SRPK2: variants seen among roughly 807,000 people sequenced by gnomAD.
SRPK2 encodes SRSF protein kinase 2, also known as SFRS protein kinase 2.
In SRPK2, 21 loss-of-function variants were observed where a neutral mutation model predicts 90.8. The observed-to-expected ratio is 0.23, with a 90% CI of 0.16 to 0.33. The LOEUF is 0.33. Among genes scored for constraint, SRPK2 ranks in the 10% least tolerant of loss-of-function variants. The pLI, the probability that SRPK2 is intolerant of heterozygous loss-of-function variation, is 1.00. For missense variants in SRPK2, 620 were observed against 869.0 expected (o/e 0.71, Z 3.60); for synonymous variants, 288 against 311.1 (o/e 0.93, Z 0.78).
At chr7:105,312,906 G>A (rs781131194) in intron 2 of SRPK2, among the ~76,000 whole-genome samples, 49 of 152,036 alleles carry the variant, frequency 3.2e-4, no homozygotes, top group Non-Finnish European at 5.4e-4. Flanking sequence ...CCCAAGTGCT[G>A]GGATGACAGG....
In SRPK2 at chr7:105,145,288, T is replaced by C. The variant is rs149027278; in HGVS notation, c.808A>G (p.Lys270Glu). 5.0e-5 allele frequency: 80 copies of C among 1,593,806 alleles called. No individual in the cohort carries two copies. Among genetic ancestry groups the C allele is most frequent in the Non-Finnish European group, 6.6e-5 (77 of 1,170,146 alleles). The change falls in exon 9 of 16, where the codon AAA becomes GAA. Residue 270 changes from lysine (K) to glutamate (E), a missense_variant. Coordinates refer to ENST00000393651, the MANE Select transcript of SRPK2 (RefSeq NM_182692.3). Reference sequence around the variant, plus strand: ...TAATATGCGTAAGTACTTACAGGTTTCTGCTGTGGAGCCGTACTCACTAAA... The same window carrying C: ...TAATATGCGTAAGTACTTACAGGTTCCTGCTGTGGAGCCGTACTCACTAAA... ...GSAVSTAPQQ[K>E]PIGKISKNKK...
chr7:105,343,764 ATTT>A, intron 2 of SRPK2, among the ~76,000 whole-genome samples: 1 of 151,382 alleles, frequency 6.6e-6, no homozygotes, highest in Admixed American at 6.6e-5. Flanking sequence ...TATCTTTTTT[ATTT>A]TTTATTTTTT....
At chr7:105,393,459 CTT>C (rs58162170), upstream of SRPK2, among the ~76,000 whole-genome samples, 60 of 81,222 alleles carry the variant, frequency 7.4e-4, no homozygotes, top group East Asian at 1.6e-3. Flanking sequence ...TCTGGTTTTT[CTT>C]TTTTTTTTTT....
In SRPK2 at chr7:105,302,118, C is replaced by A. The variant is rs555103302; in HGVS notation, c.71+86530G>T. ...GAATTTGAGACAAGGAAAGAGCATT[C>A]TTTAAAAAGTAAAACTGGGTTCAAA... On this transcript the variant is annotated intron_variant, in intron 2 of 15. Transcript: ENST00000393651. 606 of 1,499,978 alleles carry A rather than the reference C, an allele frequency of 4.0e-4. 1 individual carries two copies. Among genetic ancestry groups the A allele is most frequent in the Non-Finnish European group, 4.2e-4 (458 of 1,078,838 alleles). The allele number at this position is 1,499,978 out of a possible 1,614,324, so 92.9% of individuals were successfully genotyped here. A position where few individuals can be genotyped will look rare whatever the true frequency, so the allele number is the denominator to read the frequency against.
chr7:105,340,067 G>GA (rs537816807), intron 2 of SRPK2, among the ~76,000 whole-genome samples: 1,130 of 100,528 alleles, frequency 0.011, 14 homozygotes, highest in East Asian at 0.081. Flanking sequence ...CAAAAAAAAG[G>GA]AAAAAAAAAA....
intron 2 of SRPK2, chr7:105,205,815 G>A: frequency 2.2e-6 from 1 of 452,984 alleles, no homozygotes; most frequent in East Asian, 5.9e-5. Context: ...CTCTTCAGGG[G>A]TGTGGGCAGA....
Position 105,283,862 on chromosome 7 carries a change from G to C in SRPK2, c.72-80077C>G, listed in dbSNP as rs901957531. Among the ~76,000 whole-genome samples, 9 of 152,130 alleles carry C rather than the reference G, an allele frequency of 5.9e-5. No individual in the cohort carries two copies. The East Asian group carries it at 1.7e-3, about 29-fold the overall frequency. On this transcript the variant is annotated intron_variant, in intron 2 of 15. Coordinates refer to ENST00000393651, the MANE Select transcript of SRPK2 (RefSeq NM_182692.3). ...AAAAAAAAAACTAGCCAGGAGTGGT[G>C]GTGTACGCCTGTGGTCCCAGCTACT...
intron 2 of SRPK2, among the ~76,000 whole-genome samples, chr7:105,257,228 T>C (rs1235102328): frequency 3.9e-5 from 6 of 152,152 alleles, no homozygotes; most frequent in African/African-American, 1.4e-4. Flanking sequence ...CTACTAAAAT[T>C]AGTCTTAATT....
chr7:105,248,784 T>C (rs1475032757), intron 2 of SRPK2, among the ~76,000 whole-genome samples: 1 of 150,990 alleles, frequency 6.6e-6, no homozygotes, highest in East Asian at 2.0e-4. Context: ...TACTAAAAAA[T>C]ACAAAAAAAA....
intron 2 of SRPK2, among the ~76,000 whole-genome samples, chr7:105,253,872 T>TA (rs1802831539): frequency 6.7e-6 from 1 of 149,916 alleles, no homozygotes; most frequent in Non-Finnish European, 1.5e-5. Flanking sequence ...TAGAGAATCT[T>TA]AATTCCTGTA....
Position 105,244,639 on chromosome 7 carries a change from G to A in SRPK2, c.72-40854C>T, listed in dbSNP as rs966116132. The A allele has an allele frequency of 3.9e-6, 3 of 776,936 alleles. No individual in the cohort carries two copies. The African/African-American group carries it at 5.1e-5, about 13-fold the overall frequency. 48.1% of individuals were successfully genotyped at this position (776,936 alleles called of 1,614,324 possible). ...CCCCAGCGCGCCAGGGCCGCCTTTG[G>A]AGAGCAGCAGCCCTGGCTCTGCGCT... On this transcript the variant is annotated intron_variant, in intron 2 of 15. Coordinates refer to ENST00000393651, the MANE Select transcript of SRPK2 (RefSeq NM_182692.3).
At chr7:105,311,957 T>C (rs770630202) in intron 2 of SRPK2, among the ~76,000 whole-genome samples, 1 of 152,214 alleles carries the variant, frequency 6.6e-6, no homozygotes, top group African/African-American at 2.4e-5. Context: ...ACAATCCAAA[T>C]GCCATCAATG....
chr7:105,298,661 G>T, intron 2 of SRPK2: 1 of 910,492 alleles, frequency 1.1e-6, no homozygotes, highest in Non-Finnish European at 1.3e-6. Flanking sequence ...GGCCCCATAG[G>T]ATAGCATGGC....
intron 2 of SRPK2, among the ~76,000 whole-genome samples, chr7:105,370,283 T>C (rs1033527653): frequency 1.3e-5 from 2 of 152,088 alleles, no homozygotes; most frequent in Non-Finnish European, 2.9e-5. Context: ...TTCCTTACCC[T>C]TTCTCCCACC....
intron 1 of SRPK2, among the ~76,000 whole-genome samples, chr7:105,396,774 A>AAAAAAG (rs1554535223): frequency 7.2e-6 from 1 of 139,034 alleles, no homozygotes; most frequent in East Asian, 2.4e-4. Context: ...GAGAGAAAGA[A>AAAAAAG]AGAGAGAGAA....
intron 7 of SRPK2, among the ~76,000 whole-genome samples, chr7:105,151,335 G>A (rs904672894): frequency 1.3e-5 from 2 of 152,168 alleles, no homozygotes; most frequent in Non-Finnish European, 2.9e-5. Context: ...AGCTGTTTAA[G>A]CTGTTTGAGC....
intron 2 of SRPK2, among the ~76,000 whole-genome samples, chr7:105,233,529 T>G (rs1362802540): frequency 2.0e-5 from 3 of 152,196 alleles, no homozygotes; most frequent in Non-Finnish European, 4.4e-5. Context: ...CAACTACTTT[T>G]ACAAAATAGT....
chr7:105,268,715 T>A, intron 2 of SRPK2: 1 of 1,437,876 alleles, frequency 7.0e-7, no homozygotes, highest in South Asian at 1.2e-5. Flanking sequence ...ATACGTTATA[T>A]AGCAAACTTG....
At chr7:105,363,838 G>A (rs879651371) in intron 2 of SRPK2, among the ~76,000 whole-genome samples, 16 of 152,148 alleles carry the variant, frequency 1.1e-4, no homozygotes, top group Non-Finnish European at 1.8e-4. Context: ...TATACACCAT[G>A]GAATACTATG....
Sources: allele counts gnomAD v4.1 joint callset (sites outside exome capture counted in the v4.1 genomes callset), GRCh38; gene constraint gnomAD v4.1.1; transcripts MANE v1.5; gene names NCBI Gene and HGNC (gene_info 2026-07-23, HGNC 2026-07-21).